SIPA1L3: variants seen among roughly 807,000 people sequenced by gnomAD.
SIPA1L3 encodes signal induced proliferation associated 1 like 3, also known as signal-induced proliferation-associated 1-like protein 3.
SIPA1L3 carries 59 observed loss-of-function variants against 150.1 expected under a neutral mutation model. The observed-to-expected ratio is 0.39, with a 90% CI of 0.32 to 0.49. The LOEUF is 0.49. Ranked by LOEUF, SIPA1L3 falls within the 20% of genes least tolerant of loss-of-function variation. The pLI, the probability that SIPA1L3 is intolerant of heterozygous loss-of-function variation, is 0.86. For missense variants in SIPA1L3, 2,211 were observed against 2,489.5 expected (o/e 0.89, Z 2.38); for synonymous variants, 1,070 against 1,077.6 (o/e 0.99, Z 0.14).
chr19:37,924,313 G>A (rs531185555), intron 1 of SIPA1L3, among the ~76,000 whole-genome samples: 1 of 151,902 alleles, frequency 6.6e-6, no homozygotes, highest in Non-Finnish European at 1.5e-5. Flanking sequence ...CCACTGGAAG[G>A]TCTTCGGGGG....
intron 3 of SIPA1L3, 101 bp from the exon 4 acceptor site, chr19:38,088,620 C>T: frequency 2.1e-6 from 3 of 1,429,532 alleles, no homozygotes; most frequent in Admixed American, 4.1e-5. Context: ...CCACAGATTG[C>T]ACAGGACCCT....
intron 18 of SIPA1L3, among the ~76,000 whole-genome samples, chr19:38,195,598 A>T (rs1972903907): frequency 1.3e-5 from 2 of 152,176 alleles, no homozygotes; most frequent in Non-Finnish European, 2.9e-5. Flanking sequence ...GTAGATGTTC[A>T]GTCACTGCAA....
rs764551347 is a variant in SIPA1L3, at chr19:38,193,590, C to T, written c.4650C>T (p.Ser1550=). 2.0e-5 allele frequency: 31 copies of T among 1,554,978 alleles called. No homozygotes were observed. The highest frequency in any genetic ancestry group is 4.2e-5 in the African/African-American group (3 of 71,678). ...QRTLSDESLC[S]GRREPSFASP... is the part of the protein sequence containing the mutation. The stretch of plus-strand genomic sequence containing the variant: ...CGCTGTCGGACGAGAGCCTGTGCAG[C>T]GGGCGCCGGGAGCCCAGCTTCGCCA... The change falls in exon 18 of 22, where the codon AGC becomes AGT. Residue 1550 remains serine (S), a synonymous_variant. Coordinates refer to ENST00000222345, the MANE Select transcript of SIPA1L3 (RefSeq NM_015073.3).
At chr19:37,907,657 C>T (rs2046346029) in intron 1 of SIPA1L3, 1 of 152,358 alleles carries the variant, frequency 6.6e-6, no homozygotes, top group South Asian at 2.1e-4. Flanking sequence ...ACCTCAATTT[C>T]CCCTGCAGTA....
chr19:38,125,891 C>T (rs1030782075), intron 9 of SIPA1L3, among the ~76,000 whole-genome samples: 5 of 152,128 alleles, frequency 3.3e-5, no homozygotes, highest in African/African-American at 4.8e-5. Flanking sequence ...ACACGCAATT[C>T]GGCCAAGCGC....
chr19:38,072,475 C>T (rs1287702992), intron 2 of SIPA1L3, among the ~76,000 whole-genome samples: 2 of 152,256 alleles, frequency 1.3e-5, no homozygotes, highest in African/African-American at 2.4e-5. Flanking sequence ...ATGATGACTA[C>T]AGCCCCAGAT....
chr19:38,150,283 CAG>C (rs1233570450), intron 12 of SIPA1L3, among the ~76,000 whole-genome samples: 1 of 152,036 alleles, frequency 6.6e-6, no homozygotes, highest in Admixed American at 6.6e-5. Flanking sequence ...GTTGAGTTTT[CAG>C]AGAGTGCAGT....
chr19:38,061,185 C>T (rs1429764240), intron 2 of SIPA1L3, among the ~76,000 whole-genome samples: 1 of 152,118 alleles, frequency 6.6e-6, no homozygotes, highest in East Asian at 1.9e-4. Flanking sequence ...GCGGCACATG[C>T]CAGTGACTCT....
At chr19:38,031,882 G>A (rs376798330) in intron 2 of SIPA1L3, among the ~76,000 whole-genome samples, 2 of 152,172 alleles carry the variant, frequency 1.3e-5, no homozygotes, top group Non-Finnish European at 2.9e-5. Flanking sequence ...CCCAGGATGC[G>A]GAGATTGCAG....
chr19:38,203,906 G>C, intron 20 of SIPA1L3: 2 of 550,002 alleles, frequency 3.6e-6, no homozygotes, highest in Non-Finnish European at 6.5e-6. Flanking sequence ...CCCCTGGCCT[G>C]GTGCTCCTAA....
At position 38,155,312 on chromosome 19, in the gene SIPA1L3, G is replaced by A. The variant is rs572360378; in HGVS notation, c.3661+2345G>A. On this transcript the variant is annotated intron_variant, in intron 13 of 21. Coordinates refer to ENST00000222345, the MANE Select transcript of SIPA1L3 (RefSeq NM_015073.3). ...GCTGGTCTCAAACTCCTGGGCTCAG[G>A]TGATCCTCCTACCTCAGCCTCCCAA... Among the ~76,000 whole-genome samples, 767 of 152,232 alleles carry A rather than the reference G, an allele frequency of 5.0e-3. 2 individuals are homozygous for A. Among genetic ancestry groups the A allele is most frequent in the Non-Finnish European group, 9.0e-3 (613 of 68,012 alleles).
intron 12 of SIPA1L3, among the ~76,000 whole-genome samples, chr19:38,149,521 A>G (rs1347510633): frequency 6.6e-6 from 1 of 152,232 alleles, no homozygotes; most frequent in East Asian, 1.9e-4. Flanking sequence ...ATGTATTACG[A>G]TTAGGTTTAG....
At chr19:38,201,747 G>A in intron 19 of SIPA1L3, 115 bp from the exon 20 acceptor site, 1 of 1,205,138 alleles carries the variant, frequency 8.3e-7, no homozygotes. Flanking sequence ...GATGCAGTCT[G>A]TCCCAAGTGT....
rs146431022 is a variant in SIPA1L3, at chr19:38,024,075, A to G, written c.-378-5014A>G. On this transcript the variant is annotated intron_variant, in intron 1 of 21. Coordinates refer to ENST00000222345, the MANE Select transcript of SIPA1L3 (RefSeq NM_015073.3). ...GAGGTATGAGCGGATGATCCTTTCC[A>G]TGTGAATTGAGGTGGAAATACGAGG... Among the ~76,000 whole-genome samples, 44 of 152,196 alleles carry G rather than the reference A, an allele frequency of 2.9e-4. No individual in the cohort carries two copies. In the East Asian group the frequency reaches 4.8e-3, roughly 17 times the overall value.
intron 1 of SIPA1L3, among the ~76,000 whole-genome samples, chr19:37,967,083 T>A (rs1319716959): frequency 6.6e-6 from 1 of 152,052 alleles, no homozygotes; most frequent in African/African-American, 2.4e-5. Flanking sequence ...TCGGGCTGGG[T>A]TGGTTCCTTC....
chr19:38,065,478 C>T (rs981125745), intron 2 of SIPA1L3, among the ~76,000 whole-genome samples: 24 of 147,408 alleles, frequency 1.6e-4, no homozygotes, highest in Non-Finnish European at 2.5e-4. Context: ...TACAGTGGTG[C>T]GATCTTGGCT....
Position 38,083,066 on chromosome 19 carries a change from G to T in SIPA1L3, c.1501G>T (p.Ala501Ser), listed in dbSNP as rs1970045031. ...CAGCATCGAGCATGTGGACCTGGGCGCCCGCTACTACCAGGATTACTTCGT... is the reference window on the plus strand; with the variant it reads ...CAGCATCGAGCATGTGGACCTGGGCTCCCGCTACTACCAGGATTACTTCGT... ...QYSIEHVDLG[A>S]RYYQDYFVGK... is the part of the protein sequence containing the mutation. Residue 501 changes from alanine to serine, a missense_variant, in exon 3 of 22, where the codon GCC (alanine) becomes TCC (serine). Ala to Ser is a moderately conservative substitution (Grantham distance 99). Around this residue, in one of 5 missense-constraint regions of SIPA1L3, gnomAD observed 625 missense variants for 804.2 expected, o/e 0.78. Transcript: ENST00000222345. 6.2e-7 allele frequency: 1 copy of T among 1,612,082 alleles called. No individual in the cohort carries two copies. The highest frequency in any genetic ancestry group is 8.5e-7 in the Non-Finnish European group (1 of 1,179,934).
intron 4 of SIPA1L3, among the ~76,000 whole-genome samples, chr19:38,092,332 C>T (rs768537753): frequency 2.6e-5 from 4 of 151,260 alleles, no homozygotes; most frequent in African/African-American, 7.3e-5. Context: ...CAAACCTGCA[C>T]GTTGTGCACA....
intron 18 of SIPA1L3, among the ~76,000 whole-genome samples, chr19:38,197,978 G>A (rs944344510): frequency 1.3e-5 from 2 of 149,828 alleles, no homozygotes; most frequent in African/African-American, 5.0e-5. Flanking sequence ...GGCCCCACAC[G>A]GTCCGGCCGT....
Sources: gnomAD v4.1 joint callset for allele counts (sites outside exome capture counted in the v4.1 genomes callset) on GRCh38, gnomAD v4.1.1 for gene constraint, gnomAD v4.1.1 regional missense constraint, MANE v1.5 for transcripts, NCBI Gene and HGNC (gene_info 2026-07-23, HGNC 2026-07-21) for gene names.